PRAG1: variants seen among roughly 807,000 people sequenced by gnomAD.
The protein encoded by PRAG1 is PEAK1 related, kinase-activating pseudokinase 1.
PRAG1 carries 110 observed loss-of-function variants against 95.6 expected under a neutral mutation model. That is an observed-to-expected ratio of 1.15 (90% CI 0.99 to 1.35). The LOEUF is 1.35. Among genes scored for constraint, PRAG1 ranks in the 40% most tolerant of loss-of-function variants. The probability of loss-of-function intolerance (pLI) is 0.00; values close to 1 mark genes in which losing one functional copy is unlikely to be tolerated. For missense variants in PRAG1, 2,554 were observed against 1,864.7 expected (o/e 1.37, Z -6.81); for synonymous variants, 1,052 against 819.4 (o/e 1.28, Z -4.85).
chr8:8,339,386 T>C, intron 4 of PRAG1, 92 bp downstream of exon 4: 6 of 1,388,456 alleles, frequency 4.3e-6, no homozygotes, highest in Non-Finnish European at 6.0e-6. Flanking sequence ...ACAGTAGTCC[T>C]TGCTCAGCCC....
rs749149010 is a variant in PRAG1, at chr8:8,376,266, G to C, written c.2143C>G (p.Pro715Ala). 8.7e-6 allele frequency: 14 copies of C among 1,613,878 alleles called. No individual in the cohort carries two copies. The highest frequency in any genetic ancestry group is 1.2e-5 in the Non-Finnish European group (14 of 1,179,964). ...RSGIETFSPP[P>A]PPPKSRHLLK... is the part of the protein sequence containing the mutation. ...ACTCACCGCGACTTTGGAGGCGGAGGAGGAGGTGAGAATGTCTCAATCCCA... is the reference window on the plus strand; with the variant it reads ...ACTCACCGCGACTTTGGAGGCGGAGCAGGAGGTGAGAATGTCTCAATCCCA... The change falls in exon 3 of 6, where the codon CCT becomes GCT. Residue 715 changes from proline to alanine, a missense_variant. Pro to Ala is a conservative substitution (Grantham distance 27). Transcript: ENST00000615670.
intron 3 of PRAG1, among the ~76,000 whole-genome samples, chr8:8,352,491 G>A (rs1799554709): frequency 6.6e-6 from 1 of 152,154 alleles, no homozygotes; most frequent in Admixed American, 6.6e-5. Flanking sequence ...ACCCAAATCA[G>A]CTGTTCCAAG....
chr8:8,318,691 T>A lies in PRAG1; in HGVS notation c.3684A>T (p.Pro1228=), dbSNP rs764583646. Residue 1228 remains proline (P), a synonymous_variant, in exon 6 of 6, where the codon CCA becomes CCT. Coordinates refer to ENST00000615670, the MANE Select transcript of PRAG1 (RefSeq NM_001080826.3). This position sits in a 1 kb window ranked among gnomAD's most constrained non-coding sequence, Gnocchi z 4.2. ...CCTGGCTCTTCTTCTGCTGCAGGTT[T>A]GGGGTGCCGCCCGGCTTCTGCTTGG... ...LKAKQKPGGT[P]NLQQKKSQAR... 1.2e-6 allele frequency: 2 copies of A among 1,610,652 alleles called. No individual in the cohort carries two copies. The highest frequency in any genetic ancestry group is 1.3e-5 in the African/African-American group (1 of 74,638).
intron 1 of PRAG1, among the ~76,000 whole-genome samples, chr8:8,382,244 C>G (rs1800703032): frequency 6.6e-6 from 1 of 152,104 alleles, no homozygotes; most frequent in Non-Finnish European, 1.5e-5. Context: ...CCCACAGAAA[C>G]AAGAACTGTC....
chr8:8,381,847 G>T lies in PRAG1; in HGVS notation c.-87-13C>A. ...ACAGAGCGGCTTCCTAGAAAGGCAG[G>T]ACAGTTTCCTGATTAGAGATTTGCC... On this transcript the variant is annotated splice_polypyrimidine_tract_variant and intron_variant, in intron 1 of 5. Transcript: ENST00000615670. 1 of 919,530 alleles carries T rather than the reference G, an allele frequency of 1.1e-6. No homozygotes were observed. The highest frequency in any genetic ancestry group is 1.6e-6 in the Non-Finnish European group (1 of 624,374). The allele number at this position is 919,530 out of a possible 1,614,324, so 57.0% of individuals were successfully genotyped here. A position where few individuals can be genotyped will look rare whatever the true frequency, so the allele number is the denominator to read the frequency against.
chr8:8,355,884 G>A (rs916139998), intron 3 of PRAG1, among the ~76,000 whole-genome samples: 2 of 152,086 alleles, frequency 1.3e-5, no homozygotes, highest in African/African-American at 2.4e-5. Flanking sequence ...TTTGGATATC[G>A]CACCAAAAGC....
rs939133995 is a variant in PRAG1 at position 8,318,405 on chromosome 8, C to T, written c.3970G>A (p.Val1324Met). ...KRIRIGEAKRVLQCLLWGPRR... is the reference protein window; with the variant it reads ...KRIRIGEAKRMLQCLLWGPRR... ...GGCCCCCACAGCAGGCACTGCAGCACGCGCTTGGCCTCGCCGATGCGGATA... is the reference window on the plus strand; with the variant it reads ...GGCCCCCACAGCAGGCACTGCAGCATGCGCTTGGCCTCGCCGATGCGGATA... The change falls in exon 6 of 6, where the codon GTG (valine) becomes ATG (methionine). Residue 1324 changes from valine (V) to methionine (M), a missense_variant. By Grantham distance (21) the Val-to-Met change is conservative. Coordinates refer to ENST00000615670, the MANE Select transcript of PRAG1 (RefSeq NM_001080826.3). This position sits in a 1 kb window ranked among gnomAD's most constrained non-coding sequence, Gnocchi z 4.2. 1.9e-6 allele frequency: 3 copies of T among 1,613,222 alleles called. No homozygotes were observed. Among genetic ancestry groups the T allele is most frequent in the East Asian group, 2.2e-5 (1 of 44,886 alleles).
At chr8:8,384,608 CAAAAA>C (rs11400182) in intron 1 of PRAG1, among the ~76,000 whole-genome samples, 1,554 of 92,470 alleles carry the variant, frequency 0.017, 8 homozygotes, top group Non-Finnish European at 0.021. Flanking sequence ...CGCATGCAGC[CAAAAA>C]AAAAAAAAAA....
chr8:8,360,682 G>A (rs1799817057), intron 3 of PRAG1, among the ~76,000 whole-genome samples: 1 of 152,230 alleles, frequency 6.6e-6, no homozygotes, highest in African/African-American at 2.4e-5. Context: ...GCCCAAGGGG[G>A]CTTTCTTGGT....
intron 4 of PRAG1, among the ~76,000 whole-genome samples, chr8:8,332,482 C>G (rs1458286968): frequency 3.3e-5 from 5 of 151,982 alleles, no homozygotes; most frequent in African/African-American, 1.2e-4. Context: ...TTTTTGTATT[C>G]AGAAAAGATA....
At chr8:8,381,396 C>A (rs1245840396) in intron 2 of PRAG1, 22 bp downstream of exon 2, 1 of 1,584,958 alleles carries the variant, frequency 6.3e-7, no homozygotes, top group Non-Finnish European at 8.6e-7. Flanking sequence ...GTAAAAATAC[C>A]ACGAGTGTTA....
chr8:8,362,818 G>A (rs138801163), intron 3 of PRAG1, among the ~76,000 whole-genome samples: 493 of 152,264 alleles, frequency 3.2e-3, no homozygotes, highest in Middle Eastern at 0.024. Context: ...GCTGGAGCTG[G>A]ACCTCACAGT....
intron 3 of PRAG1, among the ~76,000 whole-genome samples, chr8:8,368,849 G>A (rs1409687824): frequency 6.7e-6 from 1 of 149,330 alleles, no homozygotes; most frequent in Non-Finnish European, 1.5e-5. Context: ...AAAAAAAAGT[G>A]TTTAGATGAT....
chr8:8,319,209 C>T lies in PRAG1; in HGVS notation c.3166G>A (p.Ala1056Thr). The T allele has an allele frequency of 1.3e-6, 2 of 1,585,198 alleles. No individual in the cohort carries two copies. The highest frequency in any genetic ancestry group is 1.1e-5 in the South Asian group (1 of 87,832). ...CTGAGCATGCTGGACGGCACCGAGG[C>T]GACGAAGTGGCCGCAGTCCTGCTGG... ...NIQQDCGHFV[A>T]SVPSSMLSSP... The change falls in exon 6 of 6, where the codon GCC (alanine) becomes ACC (threonine). Residue 1056 changes from alanine (A) to threonine (T), a missense_variant. Ala to Thr is a moderately conservative substitution (Grantham distance 58). Transcript: ENST00000615670.
At position 8,382,209 on chromosome 8, in the gene PRAG1, C is replaced by T. The variant is rs576052894; in HGVS notation, c.-87-375G>A. Among the ~76,000 whole-genome samples, 15 of 152,212 alleles carry T rather than the reference C, an allele frequency of 9.9e-5. No homozygotes were observed. The East Asian group carries it at 1.2e-3, about 12-fold the overall frequency. ...ACGTCATCCATGTATTCCCTGACAC[C>T]GGGGCCTAGAGTCTGGGACGCTGAC... is the stretch of plus-strand genomic sequence containing the variant. On this transcript the variant is annotated intron_variant, in intron 1 of 5. Coordinates refer to ENST00000615670, the MANE Select transcript of PRAG1 (RefSeq NM_001080826.3).
At chr8:8,325,475 TAAG>T (rs1798606616) in intron 5 of PRAG1, among the ~76,000 whole-genome samples, 1 of 152,160 alleles carries the variant, frequency 6.6e-6, no homozygotes, top group Non-Finnish European at 1.5e-5. Flanking sequence ...TCTAATGAAA[TAAG>T]GAGCAACACT....
chr8:8,355,493 T>C (rs1799652783), intron 3 of PRAG1, among the ~76,000 whole-genome samples: 1 of 151,990 alleles, frequency 6.6e-6, no homozygotes, highest in African/African-American at 2.4e-5. Flanking sequence ...GAAAGATGAA[T>C]TTGGAGCCTT....
intron 3 of PRAG1, among the ~76,000 whole-genome samples, chr8:8,346,644 C>G (rs1245175395): frequency 6.6e-6 from 1 of 152,164 alleles, no homozygotes; most frequent in Non-Finnish European, 1.5e-5. Context: ...CTAAAAATAC[C>G]CCCGAAGCTT....
At chr8:8,321,016 A>T (rs1427197742) in intron 5 of PRAG1, among the ~76,000 whole-genome samples, 4 of 152,260 alleles carry the variant, frequency 2.6e-5, no homozygotes, top group African/African-American at 7.2e-5. Flanking sequence ...ATTGCTTCCT[A>T]TTACACTAAC....
Sources: gnomAD v4.1 joint callset for allele counts (sites outside exome capture counted in the v4.1 genomes callset) on GRCh38, gnomAD v4.1.1 for gene constraint, Gnocchi (gnomAD v3.1) non-coding constraint, MANE v1.5 for transcripts, NCBI Gene and HGNC (gene_info 2026-07-23, HGNC 2026-07-21) for gene names.